ST6GALNAC3: variants seen among roughly 807,000 people sequenced by gnomAD.
ST6GALNAC3 encodes the protein alpha-N-acetylgalactosaminide alpha-2,6-sialyltransferase 3.
In ST6GALNAC3, 25 loss-of-function variants were observed where a neutral mutation model predicts 32.7. The observed-to-expected ratio is 0.76, with a 90% CI of 0.56 to 1.07. The LOEUF (loss-of-function observed/expected upper bound fraction) is 1.07. Ranked by LOEUF, ST6GALNAC3 falls within the 50% of genes least tolerant of loss-of-function variation. The pLI, the probability that ST6GALNAC3 is intolerant of heterozygous loss-of-function variation, is 0.00. For missense variants in ST6GALNAC3, 355 were observed against 382.4 expected (o/e 0.93, Z 0.60); for synonymous variants, 129 against 133.1 (o/e 0.97, Z 0.21).
intron 3 of ST6GALNAC3, among the ~76,000 whole-genome samples, chr1:76,549,288 G>A (rs548455809): frequency 2.7e-4 from 41 of 151,998 alleles, no homozygotes; most frequent in South Asian, 4.2e-4. Context: ...TTCCCTGTCC[G>A]TGCTCCTGTC....
chr1:76,237,729 T>G (rs924267069), intron 1 of ST6GALNAC3, among the ~76,000 whole-genome samples: 1 of 152,154 alleles, frequency 6.6e-6, no homozygotes, highest in African/African-American at 2.4e-5. Flanking sequence ...ACCAGGATTC[T>G]AGATAGAAAA....
At position 76,471,643 on chromosome 1, in the gene ST6GALNAC3, A is replaced by G. The variant is rs567759481; in HGVS notation, c.623+59226A>G. Among the ~76,000 whole-genome samples, 13 of 152,256 alleles carry G rather than the reference A, an allele frequency of 8.5e-5. 1 individual carries two copies. The South Asian group carries it at 2.7e-3, about 32-fold the overall frequency. On this transcript the variant is annotated intron_variant, in intron 3 of 4. Coordinates refer to ENST00000328299, the MANE Select transcript of ST6GALNAC3 (RefSeq NM_152996.4). ...TTTCAAATCTCTCTCTGCACATAGT[A>G]TGGTGACATATATGTGTTAGGCATT... is the stretch of plus-strand genomic sequence containing the variant.
chr1:76,298,174 A>G (rs1210700891), intron 1 of ST6GALNAC3, among the ~76,000 whole-genome samples: 1 of 151,888 alleles, frequency 6.6e-6, no homozygotes, highest in African/African-American at 2.4e-5. Flanking sequence ...CATATAGACA[A>G]CTCCCTCTCA....
intron 2 of ST6GALNAC3, among the ~76,000 whole-genome samples, chr1:76,357,334 C>A (rs1282994567): frequency 1.3e-5 from 2 of 151,910 alleles, no homozygotes; most frequent in Non-Finnish European, 2.9e-5. Context: ...CAGGGTTTTG[C>A]CGTGTTGGCC....
intron 1 of ST6GALNAC3, among the ~76,000 whole-genome samples, chr1:76,284,285 T>C (rs963609121): frequency 2.0e-5 from 3 of 152,150 alleles, no homozygotes; most frequent in Admixed American, 6.5e-5. Flanking sequence ...AAGTACATCA[T>C]TGTAAGCAAA....
At chr1:76,080,330 A>G (rs573580273) in intron 1 of ST6GALNAC3, among the ~76,000 whole-genome samples, 2 of 152,246 alleles carry the variant, frequency 1.3e-5, no homozygotes, top group South Asian at 4.1e-4. Context: ...CACAGGTCCA[A>G]CCTGTCTTCT....
chr1:76,076,948 A>G (rs1173014188), intron 1 of ST6GALNAC3, among the ~76,000 whole-genome samples: 2 of 151,810 alleles, frequency 1.3e-5, no homozygotes, highest in African/African-American at 4.8e-5. Flanking sequence ...TTCCCAGGTG[A>G]TGACTTTTAA....
chr1:76,152,477 T>C (rs76587712), intron 1 of ST6GALNAC3, among the ~76,000 whole-genome samples: 1,684 of 152,328 alleles, frequency 0.011, 28 homozygotes, highest in African/African-American at 0.039. Flanking sequence ...GTCTGGATTA[T>C]TTGCAAAGTC....
intron 1 of ST6GALNAC3, among the ~76,000 whole-genome samples, chr1:76,087,780 C>T (rs1390714429): frequency 6.6e-6 from 1 of 152,176 alleles, no homozygotes; most frequent in African/African-American, 2.4e-5. Context: ...TTACTCAGAT[C>T]ATACATAGAT....
intron 2 of ST6GALNAC3, among the ~76,000 whole-genome samples, chr1:76,340,682 G>T (rs965047072): frequency 6.6e-6 from 1 of 152,168 alleles, no homozygotes; most frequent in Non-Finnish European, 1.5e-5. Flanking sequence ...ACAAAAGGCT[G>T]AGAAAATTAA....
At chr1:76,465,146 C>A (rs1422295954) in intron 3 of ST6GALNAC3, among the ~76,000 whole-genome samples, 2 of 152,156 alleles carry the variant, frequency 1.3e-5, no homozygotes, top group Non-Finnish European at 2.9e-5. Context: ...ACCTGGGGAA[C>A]CCCCAAGTGA....
intron 1 of ST6GALNAC3, among the ~76,000 whole-genome samples, chr1:76,175,457 T>C (rs1406925492): frequency 1.3e-5 from 2 of 152,324 alleles, no homozygotes; most frequent in Non-Finnish European, 1.5e-5. Context: ...TGAAATCTTA[T>C]TTTATCCATA....
At chr1:76,512,919 T>C (rs452952) in intron 3 of ST6GALNAC3, among the ~76,000 whole-genome samples, 64,588 of 151,988 alleles carry the variant, frequency 0.42, 14,306 homozygotes, top group Middle Eastern at 0.49. Flanking sequence ...CAAGCATTTT[T>C]TCATGTGCCT....
At chr1:76,222,612 GTAAC>G (rs1490173681) in intron 1 of ST6GALNAC3, among the ~76,000 whole-genome samples, 1 of 152,098 alleles carries the variant, frequency 6.6e-6, no homozygotes, top group Non-Finnish European at 1.5e-5. Flanking sequence ...GTATACATAT[GTAAC>G]TAACCTGCAC....
chr1:76,178,558 A>G (rs1157139091), intron 1 of ST6GALNAC3, among the ~76,000 whole-genome samples: 1 of 152,178 alleles, frequency 6.6e-6, no homozygotes, highest in African/African-American at 2.4e-5. Flanking sequence ...ATGTGGGCCT[A>G]GGAACCTGTA....
At chr1:76,200,162 G>T (rs1406971285) in intron 1 of ST6GALNAC3, among the ~76,000 whole-genome samples, 1 of 152,158 alleles carries the variant, frequency 6.6e-6, no homozygotes, top group Non-Finnish European at 1.5e-5. Context: ...GACCATGGTT[G>T]GGCATCTATT....
intron 2 of ST6GALNAC3, among the ~76,000 whole-genome samples, chr1:76,349,324 G>A (rs1648787262): frequency 1.3e-5 from 2 of 152,146 alleles, no homozygotes; most frequent in South Asian, 4.1e-4. Flanking sequence ...GCGTGGAGGA[G>A]ACCACTCTGG....
intron 1 of ST6GALNAC3, among the ~76,000 whole-genome samples, chr1:76,262,641 C>T (rs559496227): frequency 2.2e-4 from 34 of 152,118 alleles, no homozygotes; most frequent in Admixed American, 1.2e-3. Flanking sequence ...CTATTGTAGT[C>T]GTTAGACATT....
intron 1 of ST6GALNAC3, among the ~76,000 whole-genome samples, chr1:76,290,019 T>C (rs2100813464): frequency 6.6e-6 from 1 of 152,328 alleles, no homozygotes; most frequent in East Asian, 1.9e-4. Flanking sequence ...TTTTTCAGAG[T>C]AGTTTCACAC....
Sources: gnomAD v4.1 joint callset for allele counts (sites outside exome capture counted in the v4.1 genomes callset) on GRCh38, gnomAD v4.1.1 for gene constraint, MANE v1.5 for transcripts, NCBI Gene and HGNC (gene_info 2026-07-23, HGNC 2026-07-21) for gene names.